The following SLC25A26 variants were observed in gnomAD, a reference collection of about 807,000 sequenced individuals.
The protein encoded by SLC25A26 is solute carrier family 25 member 26.
SLC25A26 carries 36 observed loss-of-function variants against 37.8 expected under a neutral mutation model. The ratio of observed to expected loss-of-function variants is 0.95; its 90% CI spans 0.73 to 1.26. The LOEUF (loss-of-function observed/expected upper bound fraction) is 1.26, where lower values mean the gene tolerates loss of function less well. Among genes scored for constraint, SLC25A26 ranks in the 50% most tolerant of loss-of-function variants. The pLI is 0.00. For missense variants in SLC25A26, 390 were observed against 331.1 expected (o/e 1.18, Z -1.38); for synonymous variants, 129 against 122.5 (o/e 1.05, Z -0.35).
At chr3:66,236,931 G>A (rs575670550) in intron 2 of SLC25A26, among the ~76,000 whole-genome samples, 1 of 152,256 alleles carries the variant, frequency 6.6e-6, no homozygotes, top group African/African-American at 2.4e-5. Context: ...TGACCTCCTG[G>A]GCTCAAGAAA....
chr3:66,256,507 G>A (rs1236309944), intron 3 of SLC25A26, among the ~76,000 whole-genome samples: 2 of 152,034 alleles, frequency 1.3e-5, no homozygotes, highest in African/African-American at 2.4e-5. Flanking sequence ...GAAAATATAG[G>A]TAGGTAGAAA....
chr3:66,296,901 G>C (rs982437781), intron 5 of SLC25A26, among the ~76,000 whole-genome samples: 1 of 152,236 alleles, frequency 6.6e-6, no homozygotes. Flanking sequence ...CACACTCCCT[G>C]AACAGAAGGC....
At chr3:66,362,963 A>C (rs1005192608) in intron 7 of SLC25A26, 34 bp downstream of exon 7, 8 of 1,387,970 alleles carry the variant, frequency 5.8e-6, no homozygotes, top group Non-Finnish European at 7.0e-6. Context: ...GGAAAGACCA[A>C]AGAGGGGGAA....
intron 9 of SLC25A26, among the ~76,000 whole-genome samples, chr3:66,374,427 AATGTG>A (rs1454190401): frequency 2.0e-5 from 3 of 152,142 alleles, no homozygotes; most frequent in Non-Finnish European, 4.4e-5. Context: ...TTAATCGACA[AATGTG>A]GTGTGGGTTC....
At chr3:66,158,862 C>G (rs1257942153) in intron 1 of SLC25A26, among the ~76,000 whole-genome samples, 1 of 152,104 alleles carries the variant, frequency 6.6e-6, no homozygotes, top group Non-Finnish European at 1.5e-5. Context: ...CAAGAAGTTC[C>G]TGAAGCCTGC....
At chr3:66,147,616 G>A (rs76990061) in intron 1 of SLC25A26, among the ~76,000 whole-genome samples, 3,061 of 152,168 alleles carry the variant, frequency 0.02, 89 homozygotes, top group African/African-American at 0.061. Context: ...TAGTGGGATT[G>A]CTGGATCGAA....
intron 5 of SLC25A26, among the ~76,000 whole-genome samples, chr3:66,301,913 TGA>T (rs2075086241): frequency 6.6e-6 from 1 of 152,214 alleles, no homozygotes; most frequent in Non-Finnish European, 1.5e-5. Flanking sequence ...CTCTGTAAGA[TGA>T]GAGTAACAAT....
At chr3:66,308,275 C>T (rs762435538) in intron 5 of SLC25A26, among the ~76,000 whole-genome samples, 14 of 151,954 alleles carry the variant, frequency 9.2e-5, no homozygotes, top group South Asian at 2.1e-4. Context: ...TGTGAATGGG[C>T]GTTCACTCAT....
chr3:66,263,917 C>T (rs936302023), intron 5 of SLC25A26, among the ~76,000 whole-genome samples: 32 of 152,082 alleles, frequency 2.1e-4, no homozygotes, highest in African/African-American at 7.7e-4. Context: ...CTCGGCCTCC[C>T]AAAGTGCTGG....
rs528438794 is a variant in SLC25A26, at chr3:66,137,217, CTTTTTTTTTT to C, written c.-354+3244_-354+3253del. 1.9e-4 allele frequency among the ~76,000 whole-genome samples: 23 copies of C among 118,854 alleles called. No homozygotes were observed. The South Asian group carries it at 3.7e-3, about 19-fold the overall frequency. 78.0% of individuals were successfully genotyped at this position (118,854 alleles called of 152,430 possible). ...ATCTACCTATGCTGTGATTTTCTTT[CTTTTTTTTTT>C]TTTTTTTTTTGAGATGGAGTTTTGC... On this transcript the variant is annotated intron_variant, in intron 1 of 10. Coordinates refer to the SLC25A26 transcript ENST00000676754.
intron 1 of SLC25A26, among the ~76,000 whole-genome samples, chr3:66,141,373 T>G (rs2070031679): frequency 6.6e-6 from 1 of 152,002 alleles, no homozygotes; most frequent in Non-Finnish European, 1.5e-5. Context: ...ACTACAGCCA[T>G]GTACCACCAC....
At chr3:66,276,741 A>G (rs2074162393) in intron 5 of SLC25A26, among the ~76,000 whole-genome samples, 1 of 152,056 alleles carries the variant, frequency 6.6e-6, no homozygotes, top group African/African-American at 2.4e-5. Context: ...TAGCCAAGTA[A>G]CTAGCAGATA....
chr3:66,321,588 TG>T (rs1313336836), intron 5 of SLC25A26, among the ~76,000 whole-genome samples: 12 of 152,100 alleles, frequency 7.9e-5, no homozygotes, highest in Non-Finnish European at 4.4e-5. Flanking sequence ...GTCCAGTGGG[TG>T]GGGGACAGGG....
intron 5 of SLC25A26, among the ~76,000 whole-genome samples, chr3:66,317,309 A>ATGT (rs745894375): frequency 3.5e-4 from 53 of 151,798 alleles, no homozygotes; most frequent in Non-Finnish European, 6.5e-4. Flanking sequence ...TTTGTTGATG[A>ATGT]TGTTGTTGTT....
intron 5 of SLC25A26, among the ~76,000 whole-genome samples, chr3:66,319,248 G>GTT (rs11428147): frequency 3.0e-4 from 45 of 150,858 alleles, no homozygotes; most frequent in East Asian, 1.4e-3. Flanking sequence ...TTATATAATT[G>GTT]TTTTTTTTTC....
chr3:66,143,031 T>C (rs2070059362), intron 1 of SLC25A26, among the ~76,000 whole-genome samples: 1 of 152,130 alleles, frequency 6.6e-6, no homozygotes, highest in African/African-American at 2.4e-5. Flanking sequence ...CCTCCCAAAG[T>C]GCTGAGATTA....
At chr3:66,251,089 G>T (rs2073065792) in intron 3 of SLC25A26, among the ~76,000 whole-genome samples, 1 of 152,162 alleles carries the variant, frequency 6.6e-6, no homozygotes, top group African/African-American at 2.4e-5. Flanking sequence ...GTTCTGAAAA[G>T]ACCTTGTTAG....
At chr3:66,371,244 C>G in intron 9 of SLC25A26, 1 of 1,543,222 alleles carries the variant, frequency 6.5e-7, no homozygotes. Context: ...AAAGCAGTGG[C>G]CTCCCTTTGC....
chr3:66,215,871 A>G (rs1473486158), intron 1 of SLC25A26, among the ~76,000 whole-genome samples: 1 of 152,224 alleles, frequency 6.6e-6, no homozygotes, highest in African/African-American at 2.4e-5. Flanking sequence ...CTGACTAGTT[A>G]ATTTGTAAAG....
Sources: gnomAD v4.1 joint callset for allele counts (sites outside exome capture counted in the v4.1 genomes callset) on GRCh38, gnomAD v4.1.1 for gene constraint, MANE v1.5 for transcripts, NCBI Gene and HGNC (gene_info 2026-07-23, HGNC 2026-07-21) for gene names.